Variants in MAPRE2 observed in about 807,000 individuals in gnomAD.
MAPRE2 encodes microtubule associated protein RP/EB family member 2, also known as microtubule-associated protein RP/EB family member 2.
A neutral mutation model predicts 43.2 loss-of-function variants in MAPRE2; 13 were observed. The observed-to-expected ratio is 0.30, with a 90% CI of 0.20 to 0.48. MAPRE2 has a LOEUF of 0.48. Ranked by LOEUF, MAPRE2 falls within the 20% of genes least tolerant of loss-of-function variation. MAPRE2 has a pLI of 0.99. For missense variants in MAPRE2, 161 were observed against 400.2 expected, an observed-to-expected ratio of 0.40 and a Z score of 5.10; for synonymous variants, 135 against 148.8, an observed-to-expected ratio of 0.91 and a Z score of 0.68.
At chr18:35,115,975 C>A (rs1413111226) in intron 4 of MAPRE2, among the ~76,000 whole-genome samples, 1 of 152,112 alleles carries the variant, frequency 6.6e-6, no homozygotes. Flanking sequence ...AGTTTGTCAA[C>A]AAATGTTTGT....
chr18:34,993,384 T>C (rs932951452), intron 1 of MAPRE2, among the ~76,000 whole-genome samples: 1 of 151,654 alleles, frequency 6.6e-6, no homozygotes, highest in Non-Finnish European at 1.5e-5. Flanking sequence ...ATTACAGGCA[T>C]GAGCCATTGT....
rs1484328272 is a variant in MAPRE2 at position 35,015,655 on chromosome 18, T to TGTGTGA, written c.-8+10107_-8+10108insAGTGTG. Among the ~76,000 whole-genome samples the TGTGTGA allele has an allele frequency of 2.6e-5, 4 of 151,372 alleles. No homozygotes were observed. In the Admixed American group the frequency reaches 2.6e-4, roughly 10 times the overall value. On this transcript the variant is annotated intron_variant, in intron 2 of 7. Transcript: ENST00000413393. The stretch of plus-strand genomic sequence containing the variant: ...GGCAGTGTGTGTGTGTGTGTGTGTG[T>TGTGTGA]GTGTGTGTGTGTGTGTGTGTGTGTA...
chr18:34,997,390 T>C lies in MAPRE2; in HGVS notation c.-69-8102T>C, dbSNP rs530496890. Among the ~76,000 whole-genome samples the C allele has an allele frequency of 3.9e-5, 6 of 152,228 alleles. No homozygotes were observed. In the East Asian group the frequency reaches 1.2e-3, roughly 29 times the overall value. ...GTGAGGAAGATGATTTTTAAAAACTTTGAGAAGCACAATTAGAGCTCTGAC... is the reference window on the plus strand; with the variant it reads ...GTGAGGAAGATGATTTTTAAAAACTCTGAGAAGCACAATTAGAGCTCTGAC... On this transcript the variant is annotated intron_variant, in intron 1 of 7. Coordinates refer to the MAPRE2 transcript ENST00000413393.
intron 4 of MAPRE2, among the ~76,000 whole-genome samples, chr18:35,102,860 T>G (rs1321550805): frequency 6.6e-6 from 1 of 152,234 alleles, no homozygotes; most frequent in Non-Finnish European, 1.5e-5. Flanking sequence ...AGTTGGGTAC[T>G]GCACAATTAA....
intron 2 of MAPRE2, among the ~76,000 whole-genome samples, chr18:35,017,302 C>T: frequency 9.0e-6 from 1 of 110,880 alleles, no homozygotes; most frequent in Non-Finnish European, 1.8e-5. Flanking sequence ...TTTTTTGGTT[C>T]CATATGGAAT....
At chr18:35,089,770 A>C (rs1908055272) in intron 2 of MAPRE2, among the ~76,000 whole-genome samples, 1 of 152,248 alleles carries the variant, frequency 6.6e-6, no homozygotes, top group African/African-American at 2.4e-5. Flanking sequence ...CACATGACCC[A>C]GCAATTCCAA....
intron 1 of MAPRE2, among the ~76,000 whole-genome samples, chr18:35,052,077 C>A (rs1905966117): frequency 6.6e-6 from 1 of 152,116 alleles, no homozygotes; most frequent in African/African-American, 2.4e-5. Flanking sequence ...TCCCCCTCAT[C>A]AACTTTATTA....
At chr18:35,140,013 TAAG>T (rs758704946) in intron 6 of MAPRE2, among the ~76,000 whole-genome samples, 6 of 152,256 alleles carry the variant, frequency 3.9e-5, no homozygotes, top group East Asian at 1.9e-4. Context: ...CCATGTATTC[TAAG>T]AAGATTTCCT....
chr18:35,013,474 G>A (rs746056217), intron 2 of MAPRE2, among the ~76,000 whole-genome samples: 1 of 152,118 alleles, frequency 6.6e-6, no homozygotes, highest in Non-Finnish European at 1.5e-5. Context: ...TTATATCAGG[G>A]TACTTAGCAT....
chr18:34,995,707 G>A (rs1286772892), intron 1 of MAPRE2, among the ~76,000 whole-genome samples: 1 of 152,144 alleles, frequency 6.6e-6, no homozygotes, highest in Non-Finnish European at 1.5e-5. Flanking sequence ...TAAGGTCTAA[G>A]CTATATGTTT....
chr18:34,983,129 A>G (rs1474614747), intron 1 of MAPRE2, among the ~76,000 whole-genome samples: 1 of 152,190 alleles, frequency 6.6e-6, no homozygotes, highest in Non-Finnish European at 1.5e-5. Flanking sequence ...AAATTTGTTC[A>G]CTTAAAGCCT....
intron 1 of MAPRE2, among the ~76,000 whole-genome samples, chr18:34,990,233 G>A (rs561403318): frequency 6.6e-6 from 1 of 152,274 alleles, no homozygotes; most frequent in Non-Finnish European, 1.5e-5. Flanking sequence ...CATGCTTGGT[G>A]GGGAATGCTT....
chr18:34,977,287 C>G (rs183835187), intron 1 of MAPRE2, among the ~76,000 whole-genome samples: 147 of 152,286 alleles, frequency 9.7e-4, no homozygotes, highest in African/African-American at 3.4e-3. Context: ...GGGTGTGCAC[C>G]CCGCCGCTCT....
intron 1 of MAPRE2, among the ~76,000 whole-genome samples, chr18:35,048,759 TG>T (rs1905783316): frequency 6.7e-6 from 1 of 149,834 alleles, no homozygotes; most frequent in Non-Finnish European, 1.5e-5. Context: ...TGGTGAGAAC[TG>T]GGCATATATA....
In MAPRE2 at chr18:34,985,261, A is replaced by T. The variant is rs866554281; in HGVS notation, c.-70+8182A>T. On this transcript the variant is annotated intron_variant, in intron 1 of 7. Transcript: ENST00000413393. Reference sequence around the variant, plus strand: ...TATATAATATAAAATATATAATATAATATATTATATAATATAATATATTAT... The same window carrying T: ...TATATAATATAAAATATATAATATATTATATTATATAATATAATATATTAT... Among the ~76,000 whole-genome samples, 258 of 49,622 alleles carry T rather than the reference A, an allele frequency of 5.2e-3. 11 individuals carry two copies. The highest frequency in any genetic ancestry group is 0.02 in the African/African-American group (247 of 12,332). The allele number at this position is 49,622 out of a possible 152,430, so 32.6% of individuals were successfully genotyped here. A position where few individuals can be genotyped will look rare whatever the true frequency, so the allele number is the denominator to read the frequency against.
chr18:35,137,011 C>T (rs1216487263), intron 6 of MAPRE2, among the ~76,000 whole-genome samples: 3 of 152,178 alleles, frequency 2.0e-5, no homozygotes, highest in African/African-American at 7.2e-5. Flanking sequence ...GTTCTTCATT[C>T]TCGTATAAGG....
chr18:35,107,702 T>C (rs1411586863), intron 4 of MAPRE2, among the ~76,000 whole-genome samples: 2 of 152,162 alleles, frequency 1.3e-5, no homozygotes, highest in Non-Finnish European at 2.9e-5. Flanking sequence ...TATAGTGTTT[T>C]AGAAATATCA....
At chr18:34,978,148 C>T (rs988342803) in intron 1 of MAPRE2, 2 of 311,194 alleles carry the variant, frequency 6.4e-6, no homozygotes, top group African/African-American at 2.3e-5. Flanking sequence ...CCTTCACCTC[C>T]GCACCAGCCA....
chr18:35,107,238 A>C (rs928335829), intron 4 of MAPRE2, among the ~76,000 whole-genome samples: 3 of 152,212 alleles, frequency 2.0e-5, no homozygotes, highest in Non-Finnish European at 4.4e-5. Context: ...AAGCAACCTA[A>C]GTAGAATAGA....
Sources: gnomAD v4.1 joint callset for allele counts (sites outside exome capture counted in the v4.1 genomes callset) on GRCh38, gnomAD v4.1.1 for gene constraint, MANE v1.5 for transcripts, NCBI Gene and HGNC (gene_info 2026-07-23, HGNC 2026-07-21) for gene names.